Variants in AKT3 observed in about 807,000 individuals in gnomAD.
AKT3 encodes AKT serine/threonine kinase 3.
A neutral mutation model predicts 65.3 loss-of-function variants in AKT3; 15 were observed. That is an observed-to-expected ratio of 0.23 (90% CI 0.15 to 0.35). The LOEUF (loss-of-function observed/expected upper bound fraction) is 0.35, where lower values mean the gene tolerates loss of function less well. Among genes scored for constraint, AKT3 ranks in the 10% least tolerant of loss-of-function variants. The probability of loss-of-function intolerance (pLI) is 1.00; values close to 1 mark genes in which losing one functional copy is unlikely to be tolerated. For synonymous variants in AKT3, 206 were observed against 183.8 expected (o/e 1.12, Z -0.98); for missense variants, 243 against 576.5 (o/e 0.42, Z 5.92).
chr1:243,770,734 GA>G (rs5782267), intron 2 of AKT3, among the ~76,000 whole-genome samples: 6,980 of 139,056 alleles, frequency 0.05, 518 homozygotes, highest in African/African-American at 0.18. Context: ...ATTCTAAATA[GA>G]AAAAAAAAAA....
intron 2 of AKT3, among the ~76,000 whole-genome samples, chr1:243,772,482 A>G (rs938898241): frequency 1.3e-5 from 2 of 152,232 alleles, no homozygotes; most frequent in Non-Finnish European, 2.9e-5. Context: ...CAAAACCACA[A>G]TGAGATATCA....
intron 2 of AKT3, among the ~76,000 whole-genome samples, chr1:243,819,151 C>T (rs1281335005): frequency 6.6e-6 from 1 of 152,224 alleles, no homozygotes; most frequent in Non-Finnish European, 1.5e-5. Flanking sequence ...GGAAAGGGGC[C>T]ACCGTCATCA....
At chr1:243,726,044 TAATGTC>T (rs1421661600) in intron 2 of AKT3, among the ~76,000 whole-genome samples, 1 of 86,628 alleles carries the variant, frequency 1.2e-5, no homozygotes, top group African/African-American at 5.9e-5. Context: ...CCTCCAACAT[TAATGTC>T]TGGAATTTCA....
At chr1:243,537,899 T>G (rs1672043888) in intron 12 of AKT3, among the ~76,000 whole-genome samples, 1 of 152,166 alleles carries the variant, frequency 6.6e-6, no homozygotes, top group Non-Finnish European at 1.5e-5. Flanking sequence ...TCCCATTTCC[T>G]TCATTTCCCA....
chr1:243,842,365 G>GCCATGTGC (rs1249374698), intron 2 of AKT3, among the ~76,000 whole-genome samples: 1 of 152,148 alleles, frequency 6.6e-6, no homozygotes, highest in East Asian at 1.9e-4. Context: ...GGCCATGTGG[G>GCCATGTGC]TAAACAGTAG....
At chr1:243,694,858 T>C (rs974377498) in intron 3 of AKT3, among the ~76,000 whole-genome samples, 5 of 152,064 alleles carry the variant, frequency 3.3e-5, no homozygotes, top group Non-Finnish European at 2.9e-5. Context: ...TATTGTCTCG[T>C]TAAAGATTTT....
At chr1:243,759,330 AAAATTAAATT>A (rs74162710) in intron 2 of AKT3, among the ~76,000 whole-genome samples, 3 of 48,608 alleles carry the variant, frequency 6.2e-5, no homozygotes, top group African/African-American at 9.7e-5. Context: ...ACCAAAAAAT[AAAATTAAATT>A]AAATTAAATT....
At chr1:243,553,393 C>G (rs1558610447) in intron 10 of AKT3, among the ~76,000 whole-genome samples, 1 of 152,082 alleles carries the variant, frequency 6.6e-6, no homozygotes, top group African/African-American at 2.4e-5. Flanking sequence ...CTAAGTAATA[C>G]AAATTAAACA....
chr1:243,794,627 C>G (rs943576681), intron 2 of AKT3, among the ~76,000 whole-genome samples: 2 of 152,116 alleles, frequency 1.3e-5, no homozygotes, highest in African/African-American at 4.8e-5. Flanking sequence ...AATGTTGGCT[C>G]AGACACAAGA....
rs781331863 is a variant in AKT3, at chr1:243,573,019, C to T, written c.726G>A (p.Val242=). 5 of 1,613,288 alleles carry T rather than the reference C, an allele frequency of 3.1e-6. No homozygotes were observed. Among genetic ancestry groups the T allele is most frequent in the South Asian group, 1.1e-5 (1 of 91,036 alleles). Residue 242 remains valine, a synonymous_variant, in exon 9 of 14, where the codon GTG becomes GTA. Coordinates refer to ENST00000673466, the MANE Select transcript of AKT3 (RefSeq NM_005465.7). The part of the protein sequence containing the change: ...ELFFHLSRER[V]FSEDRTRFYG... ...AGAAACGTGTGCGGTCCTCAGAGAA[C>T]ACCCGCTCTCTCGACAAATGGAAAA...
intron 8 of AKT3, among the ~76,000 whole-genome samples, chr1:243,602,205 T>A (rs1677062778): frequency 6.6e-6 from 1 of 152,220 alleles, no homozygotes; most frequent in South Asian, 2.1e-4. Context: ...ATTCATTTTT[T>A]AAAAATGTCT....
At chr1:243,630,342 A>T (rs773139337) in intron 6 of AKT3, among the ~76,000 whole-genome samples, 4 of 152,224 alleles carry the variant, frequency 2.6e-5, no homozygotes, top group Non-Finnish European at 4.4e-5. Flanking sequence ...GACTCTATGC[A>T]TAATCCACCC....
At chr1:243,584,471 GCAAA>G (rs1675645608) in intron 8 of AKT3, among the ~76,000 whole-genome samples, 1 of 152,008 alleles carries the variant, frequency 6.6e-6, no homozygotes, top group Non-Finnish European at 1.5e-5. Context: ...CCAAAACCTG[GCAAA>G]GACACAATGA....
intron 2 of AKT3, among the ~76,000 whole-genome samples, chr1:243,739,296 G>C (rs1417483344): frequency 6.6e-6 from 1 of 151,934 alleles, no homozygotes; most frequent in Non-Finnish European, 1.5e-5. Context: ...AGAAAAAATT[G>C]AGATATTTTA....
In AKT3 at chr1:243,689,482, ATTTTTTT is replaced by A. The variant is rs11354558; in HGVS notation, c.172+6102_172+6108del. 8.6e-4 allele frequency among the ~76,000 whole-genome samples: 111 copies of A among 128,376 alleles called. 1 individual carries two copies. The highest frequency in any genetic ancestry group is 3.0e-3 in the African/African-American group (101 of 34,014). The allele number at this position is 128,376 out of a possible 152,430, so 84.2% of individuals were successfully genotyped here. On this transcript the variant is annotated intron_variant, in intron 3 of 13. Transcript: ENST00000673466. ...CTCTGTATATAATATTTATTCAAAGATTTTTTTTTTTTTTTTTTTTTTAAAGAGACAG... is the reference window on the plus strand; with the variant it reads ...CTCTGTATATAATATTTATTCAAAGATTTTTTTTTTTTTTTAAAGAGACAG...
chr1:243,502,399 C>T lies in AKT3; in HGVS notation c.*2850G>A, dbSNP rs926527724. On this transcript the variant is annotated 3_prime_UTR_variant, in exon 14 of 14. Transcript: ENST00000673466. ...TTAGTGTAGAAAGCAAAGCTGAGCG[C>T]GACCCTGCCAACCATCTAAGCAGAA... 4.3e-6 allele frequency: 1 copy of T among 233,070 alleles called. No homozygotes were observed. The highest frequency in any genetic ancestry group is 8.5e-6 in the Non-Finnish European group (1 of 117,910). 14.4% of individuals were successfully genotyped at this position (233,070 alleles called of 1,614,324 possible). A position where few individuals can be genotyped will look rare whatever the true frequency, so the allele number is the denominator to read the frequency against.
chr1:243,642,053 T>C (rs936021639), intron 5 of AKT3, among the ~76,000 whole-genome samples: 1 of 152,064 alleles, frequency 6.6e-6, no homozygotes, highest in African/African-American at 2.4e-5. Context: ...TGACTCTCAA[T>C]CTTTAAAAAA....
At chr1:243,538,324 T>G (rs1361145270) in intron 12 of AKT3, among the ~76,000 whole-genome samples, 1 of 150,724 alleles carries the variant, frequency 6.6e-6, no homozygotes. Flanking sequence ...ACAATAGCAG[T>G]GATAAAATGG....
intron 4 of AKT3, among the ~76,000 whole-genome samples, chr1:243,657,359 A>G (rs912103866): frequency 1.3e-5 from 2 of 152,182 alleles, no homozygotes; most frequent in African/African-American, 4.8e-5. Context: ...AGTTTGTTGT[A>G]GCAGCCCAAA....
Sources: gnomAD v4.1 joint callset for allele counts (sites outside exome capture counted in the v4.1 genomes callset) on GRCh38, gnomAD v4.1.1 for gene constraint, MANE v1.5 for transcripts, NCBI Gene and HGNC (gene_info 2026-07-23, HGNC 2026-07-21) for gene names.